The following FMN2 variants were observed in gnomAD, a reference collection of about 807,000 sequenced individuals.
The protein encoded by FMN2 is formin 2.
FMN2 carries 51 observed loss-of-function variants against 142.3 expected under a neutral mutation model. The ratio of observed to expected loss-of-function variants is 0.36; its 90% CI spans 0.29 to 0.45. FMN2 has a LOEUF of 0.45. Ranked by LOEUF, FMN2 falls within the 20% of genes least tolerant of loss-of-function variation. The pLI is 1.00. For missense variants in FMN2, 1,936 were observed against 2,122.8 expected (o/e 0.91, Z 1.73); for synonymous variants, 882 against 869.8 (o/e 1.01, Z -0.25).
chr1:240,135,682 C>CTT (rs201355071), intron 2 of FMN2, among the ~76,000 whole-genome samples: 3 of 136,168 alleles, frequency 2.2e-5, no homozygotes, highest in Non-Finnish European at 4.8e-5. Flanking sequence ...TGTCATGTTT[C>CTT]TTTTTTTTTT....
intron 15 of FMN2, among the ~76,000 whole-genome samples, chr1:240,437,267 T>C (rs1675412221): frequency 6.6e-6 from 1 of 150,866 alleles, no homozygotes; most frequent in African/African-American, 2.4e-5. Context: ...TAGTCTCTGA[T>C]AGGAGACTTT....
At position 240,329,132 on chromosome 1, in the gene FMN2, C is replaced by T. The variant is rs1479732602; in HGVS notation, c.4272C>T (p.Asp1424=). The T allele has an allele frequency of 6.2e-7, 1 of 1,613,974 alleles. No homozygotes were observed. Among genetic ancestry groups the T allele is most frequent in the Non-Finnish European group, 8.5e-7 (1 of 1,179,988 alleles). Residue 1424 remains aspartate, a synonymous_variant, in exon 9 of 18, where the codon GAC becomes GAT. Coordinates refer to ENST00000319653, the MANE Select transcript of FMN2 (RefSeq NM_020066.5). ...KIEKHGRSSK[D]KENAKSLDKP... ...AAAAGCATGGCCGATCTTCCAAAGACAAGGAAAATGCCAAGTCTCTGGACA... is the reference window on the plus strand; with the variant it reads ...AAAAGCATGGCCGATCTTCCAAAGATAAGGAAAATGCCAAGTCTCTGGACA...
intron 15 of FMN2, among the ~76,000 whole-genome samples, chr1:240,437,757 T>C (rs565532841): frequency 6.6e-6 from 1 of 152,320 alleles, no homozygotes; most frequent in South Asian, 2.1e-4. Flanking sequence ...CCACTTTCAA[T>C]ATGTCTCATC....
chr1:240,383,375 A>G (rs1331277535), intron 14 of FMN2, among the ~76,000 whole-genome samples: 1 of 152,194 alleles, frequency 6.6e-6, no homozygotes, highest in Non-Finnish European at 1.5e-5. Flanking sequence ...CTGAAAAAGA[A>G]TTAGTATCAA....
chr1:240,141,462 G>A (rs1359190147), intron 2 of FMN2, among the ~76,000 whole-genome samples: 6 of 151,890 alleles, frequency 4.0e-5, no homozygotes, highest in Non-Finnish European at 5.9e-5. Context: ...CTGCCCCCAC[G>A]GTTCTAGTGA....
At chr1:240,451,457 G>T (rs1229072350) in intron 16 of FMN2, among the ~76,000 whole-genome samples, 1 of 152,030 alleles carries the variant, frequency 6.6e-6, no homozygotes, top group African/African-American at 2.4e-5. Context: ...AGCGTCATTA[G>T]GTCAGTACCA....
At chr1:240,465,499 G>A (rs752681766) in intron 16 of FMN2, among the ~76,000 whole-genome samples, 1 of 151,980 alleles carries the variant, frequency 6.6e-6, no homozygotes, top group African/African-American at 2.4e-5. Flanking sequence ...TGGTAGTAAC[G>A]ATCATTATAT....
intron 4 of FMN2, among the ~76,000 whole-genome samples, chr1:240,199,903 G>C (rs946592148): frequency 6.6e-6 from 1 of 152,152 alleles, no homozygotes; most frequent in Non-Finnish European, 1.5e-5. Flanking sequence ...ACAACAAAAT[G>C]TATTTAAATT....
At chr1:240,131,932 T>C (rs1662757430) in intron 2 of FMN2, among the ~76,000 whole-genome samples, 2 of 152,248 alleles carry the variant, frequency 1.3e-5, no homozygotes, top group South Asian at 4.1e-4. Flanking sequence ...TGGTGGCAGA[T>C]TGGAGAATGG....
rs763900863 is a variant in FMN2 at position 240,449,258 on chromosome 1, G to A, written c.5060+11048G>A. On this transcript the variant is annotated intron_variant, in intron 16 of 17. Transcript: ENST00000319653. ...TTAATGAACACTTCACCCTCTCTCC[G>A]GAATCCTTATGCCCCCTGGTACCCA... 4.6e-5 allele frequency among the ~76,000 whole-genome samples: 7 copies of A among 152,112 alleles called. No homozygotes were observed. The East Asian group carries it at 5.8e-4, about 13-fold the overall frequency.
At chr1:240,236,392 G>T (rs924420981) in intron 6 of FMN2, among the ~76,000 whole-genome samples, 1 of 152,178 alleles carries the variant, frequency 6.6e-6, no homozygotes, top group Non-Finnish European at 1.5e-5. Flanking sequence ...CTCGTCGCCA[G>T]CATTAAAGAT....
chr1:240,288,529 A>C (rs1463198031), intron 7 of FMN2, among the ~76,000 whole-genome samples: 3 of 152,118 alleles, frequency 2.0e-5, no homozygotes, highest in African/African-American at 7.2e-5. Context: ...ATGGGTTAGC[A>C]ATGTGTTGTG....
At chr1:240,331,863 A>C (rs1671387285) in intron 11 of FMN2, among the ~76,000 whole-genome samples, 1 of 152,190 alleles carries the variant, frequency 6.6e-6, no homozygotes, top group Middle Eastern at 3.2e-3. Flanking sequence ...TTTTATAATA[A>C]AGTGCTGAAT....
At chr1:240,194,023 A>G (rs1665814566) in intron 4 of FMN2, among the ~76,000 whole-genome samples, 1 of 150,784 alleles carries the variant, frequency 6.6e-6, no homozygotes, top group Admixed American at 6.6e-5. Flanking sequence ...AAAATACACT[A>G]GTTTTTTTGT....
intron 5 of FMN2, 80 bp from the exon 6 acceptor site, chr1:240,211,011 C>G: frequency 7.3e-7 from 1 of 1,369,292 alleles, no homozygotes; most frequent in Non-Finnish European, 9.9e-7. Context: ...TCCTCCCTCC[C>G]CTTCTTCCTT....
intron 2 of FMN2, among the ~76,000 whole-genome samples, chr1:240,127,895 G>T (rs73128565): frequency 2.6e-5 from 4 of 152,072 alleles, no homozygotes. Context: ...GGGGCAGGAC[G>T]GTGACAGGGG....
rs370885306 is a variant in FMN2 at position 240,408,842 on chromosome 1, G to GCAAAA, written c.4910+16298_4910+16302dup. On this transcript the variant is annotated intron_variant, in intron 15 of 17. Transcript: ENST00000319653. ...CTCAGATTCTCCAGTGGTGTCTTAGGCAAAACAAAACAAAACAAAACACCA... is the reference window on the plus strand; with the variant it reads ...CTCAGATTCTCCAGTGGTGTCTTAGGCAAAACAAAACAAAACAAAACAAAACACCA... 6.3e-3 allele frequency among the ~76,000 whole-genome samples: 958 copies of GCAAAA among 152,016 alleles called. 7 individuals are homozygous for GCAAAA. Among genetic ancestry groups the GCAAAA allele is most frequent in the African/African-American group, 0.022 (910 of 41,460 alleles).
At chr1:240,093,882 C>A (rs542753774) in intron 1 of FMN2, among the ~76,000 whole-genome samples, 158 bp downstream of exon 1, 5 of 152,236 alleles carry the variant, frequency 3.3e-5, no homozygotes, top group African/African-American at 7.2e-5. Flanking sequence ...AGCTCACCCC[C>A]CACGGTGAAA....
chr1:240,119,467 A>G (rs76787332), intron 1 of FMN2, among the ~76,000 whole-genome samples: 6,841 of 152,142 alleles, frequency 0.045, 495 homozygotes, highest in African/African-American at 0.16. Flanking sequence ...GCCTGGGGTT[A>G]TTTTTGCCCC....
Sources: gnomAD v4.1 joint callset for allele counts (sites outside exome capture counted in the v4.1 genomes callset) on GRCh38, gnomAD v4.1.1 for gene constraint, MANE v1.5 for transcripts, NCBI Gene and HGNC (gene_info 2026-07-23, HGNC 2026-07-21) for gene names.